The following NOL4 variants were observed in gnomAD, a reference collection of about 807,000 sequenced individuals.
NOL4 encodes the protein cancer/testis antigen 125.
NOL4 carries 17 observed loss-of-function variants against 75.9 expected under a neutral mutation model. The observed-to-expected ratio is 0.22, with a 90% CI of 0.15 to 0.34. The LOEUF (loss-of-function observed/expected upper bound fraction) is 0.34. NOL4 is among the 10% of genes least tolerant of loss of function. The pLI, the probability that NOL4 is intolerant of heterozygous loss-of-function variation, is 1.00. For missense variants in NOL4, 614 were observed against 793.5 expected (o/e 0.77, Z 2.72); for synonymous variants, 292 against 289.9 (o/e 1.01, Z -0.07).
intron 3 of NOL4, among the ~76,000 whole-genome samples, chr18:34,104,683 G>A (rs528190688): frequency 6.6e-6 from 1 of 151,858 alleles, no homozygotes; most frequent in African/African-American, 2.4e-5. Flanking sequence ...TTTTAGTAAA[G>A]AAACTCCACA....
intron 9 of NOL4, among the ~76,000 whole-genome samples, chr18:33,916,281 T>C (rs938277143): frequency 6.6e-6 from 1 of 152,272 alleles, no homozygotes; most frequent in East Asian, 1.9e-4. Context: ...ATCTTGCATA[T>C]TCCAGATAAT....
At chr18:34,077,600 G>A (rs1270143980) in intron 5 of NOL4, among the ~76,000 whole-genome samples, 12 of 151,918 alleles carry the variant, frequency 7.9e-5, no homozygotes, top group African/African-American at 2.9e-4. Flanking sequence ...AACATGCAAG[G>A]ACAACAAAAC....
At chr18:33,871,686 C>T (rs1488228989) in intron 10 of NOL4, among the ~76,000 whole-genome samples, 3 of 151,998 alleles carry the variant, frequency 2.0e-5, no homozygotes, top group African/African-American at 4.8e-5. Context: ...AGTAGGCACA[C>T]CACAAAATTC....
intron 9 of NOL4, among the ~76,000 whole-genome samples, chr18:33,927,179 C>T (rs565176492): frequency 2.0e-5 from 3 of 152,164 alleles, no homozygotes; most frequent in African/African-American, 7.2e-5. Context: ...GTAATAAAAC[C>T]AAGAAAATCT....
intron 5 of NOL4, among the ~76,000 whole-genome samples, chr18:34,039,929 T>C (rs1258736226): frequency 6.6e-6 from 1 of 151,998 alleles, no homozygotes; most frequent in Non-Finnish European, 1.5e-5. Flanking sequence ...AACATTTTAT[T>C]ATAAACAGGC....
chr18:33,863,733 G>A (rs1233657998), intron 10 of NOL4, among the ~76,000 whole-genome samples: 1 of 152,150 alleles, frequency 6.6e-6, no homozygotes. Flanking sequence ...CTATTCTGGG[G>A]TCTGGAGGAT....
intron 9 of NOL4, among the ~76,000 whole-genome samples, chr18:33,887,050 A>AATATATATCTATATATAAT (rs1346458433): frequency 2.9e-4 from 40 of 136,590 alleles, no homozygotes; most frequent in African/African-American, 9.2e-4. Context: ...ATCTAGATCT[A>AATATATATCTATATATAAT]ATATATATCT....
In NOL4 at chr18:34,103,849, A is replaced by T. The variant is rs887887742; in HGVS notation, c.639+198T>A. 3.9e-5 allele frequency among the ~76,000 whole-genome samples: 6 copies of T among 152,020 alleles called. No homozygotes were observed. The South Asian group carries it at 1.2e-3, about 31-fold the overall frequency. ...ACAAATTCCCACATAACACTAAGACAGAGGTGTTAAGCAGGGGCTCTGTAT... is the reference window on the plus strand; with the variant it reads ...ACAAATTCCCACATAACACTAAGACTGAGGTGTTAAGCAGGGGCTCTGTAT... On this transcript the variant is annotated intron_variant, in intron 4 of 10. Transcript: ENST00000261592.
At chr18:33,934,149 C>CT (rs141762009) in intron 9 of NOL4, among the ~76,000 whole-genome samples, 270 of 149,866 alleles carry the variant, frequency 1.8e-3, no homozygotes, top group African/African-American at 3.8e-3. Flanking sequence ...TGAAAGGAAT[C>CT]TTTTTTTTTT....
At chr18:33,942,257 A>G (rs1191815538) in intron 9 of NOL4, among the ~76,000 whole-genome samples, 5 of 152,012 alleles carry the variant, frequency 3.3e-5, no homozygotes, top group Non-Finnish European at 7.4e-5. Flanking sequence ...TTGTAAAAAT[A>G]CTTTACAAGT....
At chr18:33,886,356 C>T (rs751086936) in intron 9 of NOL4, among the ~76,000 whole-genome samples, 5 of 151,522 alleles carry the variant, frequency 3.3e-5, no homozygotes, top group African/African-American at 4.8e-5. Context: ...GGGAAAACCC[C>T]GTCTCTACTA....
At chr18:33,884,147 T>G (rs578209056) in intron 9 of NOL4, among the ~76,000 whole-genome samples, 2 of 152,234 alleles carry the variant, frequency 1.3e-5, no homozygotes, top group South Asian at 4.1e-4. Context: ...AAAAATTAAA[T>G]GAAGAGATAT....
chr18:34,115,097 T>G (rs1041141916), intron 2 of NOL4, among the ~76,000 whole-genome samples: 4 of 152,170 alleles, frequency 2.6e-5, no homozygotes, highest in African/African-American at 7.2e-5. Context: ...AAGATCAGGC[T>G]GCAGACATAG....
intron 9 of NOL4, among the ~76,000 whole-genome samples, chr18:33,907,323 C>CAA (rs35702916): frequency 0.016 from 1,241 of 79,702 alleles, 27 homozygotes; most frequent in African/African-American, 0.054. Context: ...GACTCCATTT[C>CAA]AAAAAAAAAA....
At chr18:33,910,465 A>C (rs867506943) in intron 9 of NOL4, among the ~76,000 whole-genome samples, 1 of 151,934 alleles carries the variant, frequency 6.6e-6, no homozygotes. Context: ...ATCCTGACAG[A>C]CATTCCCTCT....
Position 33,852,221 on chromosome 18 carries a change from G to C in NOL4, c.*621C>G, listed in dbSNP as rs1004293474. 6.6e-6 allele frequency: 1 copy of C among 152,428 alleles called. No individual in the cohort carries two copies. The highest frequency in any genetic ancestry group is 1.5e-5 in the Non-Finnish European group (1 of 67,976). The allele number at this position is 152,428 out of a possible 1,614,324, so 9.4% of individuals were successfully genotyped here. A position where few individuals can be genotyped will look rare whatever the true frequency, so the allele number is the denominator to read the frequency against. On this transcript the variant is annotated 3_prime_UTR_variant, in exon 11 of 11. Coordinates refer to ENST00000261592, the MANE Select transcript of NOL4 (RefSeq NM_003787.5). ...TATTTTTGTAGAAAGAATTTGGAAAGAGGAGAAGGCAAAGGGATGTGGAAA... is the reference window on the plus strand; with the variant it reads ...TATTTTTGTAGAAAGAATTTGGAAACAGGAGAAGGCAAAGGGATGTGGAAA...
At chr18:34,009,001 C>A (rs2074218095) in intron 6 of NOL4, among the ~76,000 whole-genome samples, 1 of 151,958 alleles carries the variant, frequency 6.6e-6, no homozygotes. Flanking sequence ...TACCTTACAA[C>A]CCAACACCCT....
Position 33,972,163 on chromosome 18 carries a change from CA to C in NOL4, c.1057-13746del, listed in dbSNP as rs34438324. Among the ~76,000 whole-genome samples, 1,003 of 101,030 alleles carry C rather than the reference CA, an allele frequency of 9.9e-3. 5 individuals are homozygous for C. Among genetic ancestry groups the C allele is most frequent in the East Asian group, 0.03 (103 of 3,470 alleles). 66.3% of individuals were successfully genotyped at this position (101,030 alleles called of 152,430 possible). A position where few individuals can be genotyped will look rare whatever the true frequency, so the allele number is the denominator to read the frequency against. On this transcript the variant is annotated intron_variant, in intron 6 of 10. Coordinates refer to ENST00000261592, the MANE Select transcript of NOL4 (RefSeq NM_003787.5). ...TGGGAGATAGAGTGAGACTCTGTCT[CA>C]AAAAAAAAAAAAAATTTAAACAAAA...
chr18:33,916,140 C>G (rs16965020), intron 9 of NOL4, among the ~76,000 whole-genome samples: 2,166 of 152,160 alleles, frequency 0.014, 51 homozygotes, highest in African/African-American at 0.049. Flanking sequence ...ATAGAGTAAA[C>G]ATTTTTCAAT....
Sources: gnomAD v4.1 joint callset for allele counts (sites outside exome capture counted in the v4.1 genomes callset) on GRCh38, gnomAD v4.1.1 for gene constraint, MANE v1.5 for transcripts, NCBI Gene and HGNC (gene_info 2026-07-23, HGNC 2026-07-21) for gene names.